The following SUMF1 variants were observed in gnomAD, a reference collection of about 807,000 sequenced individuals.
SUMF1 encodes formylglycine-generating enzyme.
SUMF1 carries 48 observed loss-of-function variants against 47.6 expected under a neutral mutation model. The observed-to-expected ratio is 1.01, with a 90% CI of 0.80 to 1.28. The LOEUF is 1.28. Among genes scored for constraint, SUMF1 ranks in the 50% most tolerant of loss-of-function variants. The pLI is 0.00. For synonymous variants in SUMF1, 230 were observed against 192.1 expected (o/e 1.20, Z -1.63); for missense variants, 571 against 485.4 (o/e 1.18, Z -1.66).
At chr3:4,330,088 C>T (rs541003496) in intron 8 of SUMF1, among the ~76,000 whole-genome samples, 2 of 152,240 alleles carry the variant, frequency 1.3e-5, no homozygotes, top group East Asian at 3.9e-4. Flanking sequence ...CATCTGAGAC[C>T]ACCTCAGCCT....
intron 8 of SUMF1, among the ~76,000 whole-genome samples, chr3:4,254,820 A>T (rs1282502425): frequency 6.6e-6 from 1 of 151,332 alleles, no homozygotes; most frequent in Non-Finnish European, 1.5e-5. Context: ...TGTCAGATTC[A>T]CCAAAGTTGA....
chr3:4,358,087 G>A (rs536750693), downstream of SUMF1, among the ~76,000 whole-genome samples: 13 of 152,182 alleles, frequency 8.5e-5, no homozygotes, highest in African/African-American at 3.1e-4. Flanking sequence ...GTAGTTTGAA[G>A]CATCTATGCA....
intron 9 of SUMF1, among the ~76,000 whole-genome samples, chr3:4,060,940 G>A (rs1695267693): frequency 6.6e-6 from 1 of 152,106 alleles, no homozygotes; most frequent in Non-Finnish European, 1.5e-5. Context: ...ATGATAAGAT[G>A]ACCTCTGAGG....
At chr3:4,172,314 A>C (rs1275691430) in intron 8 of SUMF1, among the ~76,000 whole-genome samples, 3 of 152,076 alleles carry the variant, frequency 2.0e-5, no homozygotes, top group Admixed American at 6.6e-5. Flanking sequence ...ACAAGGAGAG[A>C]CATGCAGGAA....
At chr3:4,121,981 C>A (rs866529870) in intron 8 of SUMF1, among the ~76,000 whole-genome samples, 11 of 152,076 alleles carry the variant, frequency 7.2e-5, no homozygotes, top group Non-Finnish European at 1.3e-4. Flanking sequence ...TTTTCTGTTC[C>A]TGTGTTAATT....
intron 9 of SUMF1, among the ~76,000 whole-genome samples, chr3:4,037,107 T>C (rs1418696196): frequency 2.0e-5 from 3 of 152,096 alleles, no homozygotes. Flanking sequence ...ACAGAAATAT[T>C]CTAAGACTAA....
chr3:4,129,666 G>A (rs1693739429), intron 8 of SUMF1, among the ~76,000 whole-genome samples: 1 of 152,096 alleles, frequency 6.6e-6, no homozygotes, highest in African/African-American at 2.4e-5. Context: ...CGTTTACCAG[G>A]ATAACTGTGC....
intron 8 of SUMF1, among the ~76,000 whole-genome samples, chr3:4,085,526 T>A (rs1266859022): frequency 6.6e-6 from 1 of 152,118 alleles, no homozygotes; most frequent in Admixed American, 6.6e-5. Flanking sequence ...CTGCAAGAGA[T>A]ACCCACATGT....
chr3:4,438,128 G>A (rs1702460881), intron 3 of SUMF1, among the ~76,000 whole-genome samples: 1 of 151,624 alleles, frequency 6.6e-6, no homozygotes, highest in Non-Finnish European at 1.5e-5. Context: ...TCAATGGTAA[G>A]ACATGCTTTT....
chr3:4,297,156 A>C (rs962373670), intron 8 of SUMF1, among the ~76,000 whole-genome samples: 1 of 152,128 alleles, frequency 6.6e-6, no homozygotes, highest in Non-Finnish European at 1.5e-5. Flanking sequence ...TAAGCTAAAA[A>C]CTTGGGCCGA....
At chr3:4,052,231 G>T (rs1166960728) in intron 9 of SUMF1, among the ~76,000 whole-genome samples, 3 of 152,010 alleles carry the variant, frequency 2.0e-5, no homozygotes, top group East Asian at 3.9e-4. Flanking sequence ...AGCTCTCTTT[G>T]GTCTCTTTTA....
At chr3:4,106,976 A>G (rs920822001) in intron 8 of SUMF1, among the ~76,000 whole-genome samples, 1 of 152,050 alleles carries the variant, frequency 6.6e-6, no homozygotes, top group Non-Finnish European at 1.5e-5. Context: ...AAATTCAGAT[A>G]TTTCTCCAAC....
chr3:4,222,048 T>C (rs1273636692), intron 8 of SUMF1, among the ~76,000 whole-genome samples: 2 of 152,096 alleles, frequency 1.3e-5, no homozygotes, highest in Non-Finnish European at 2.9e-5. Context: ...AATATCATAT[T>C]GCTAAAAACA....
chr3:4,116,432 T>A (rs1693425860), intron 8 of SUMF1, among the ~76,000 whole-genome samples: 1 of 151,924 alleles, frequency 6.6e-6, no homozygotes, highest in South Asian at 2.1e-4. Context: ...AACCCTAAAT[T>A]TTCAAAAGAG....
chr3:4,444,413 A>C (rs1324152045), intron 3 of SUMF1, among the ~76,000 whole-genome samples: 1 of 152,232 alleles, frequency 6.6e-6, no homozygotes, highest in Non-Finnish European at 1.5e-5. Context: ...ATTAGTTGAG[A>C]GCTAAAATGG....
At chr3:4,397,712 G>A (rs1413091971) in intron 7 of SUMF1, among the ~76,000 whole-genome samples, 3 of 152,096 alleles carry the variant, frequency 2.0e-5, no homozygotes, top group South Asian at 2.1e-4. Flanking sequence ...AGTGGAGACT[G>A]TCCATGGAAA....
At chr3:4,359,039 C>A (rs746429795), downstream of SUMF1, among the ~76,000 whole-genome samples, 37 of 152,138 alleles carry the variant, frequency 2.4e-4, no homozygotes, top group Non-Finnish European at 5.3e-4. Flanking sequence ...TGCCTCTACC[C>A]CAATTTTCCC....
At chr3:4,096,809 A>C (rs1692915689) in intron 8 of SUMF1, among the ~76,000 whole-genome samples, 1 of 152,106 alleles carries the variant, frequency 6.6e-6, no homozygotes, top group African/African-American at 2.4e-5. Flanking sequence ...GGTCGGAACC[A>C]GGGTGAGCTA....
intron 8 of SUMF1, among the ~76,000 whole-genome samples, chr3:4,143,862 A>G (rs1694129976): frequency 6.6e-6 from 1 of 152,088 alleles, no homozygotes; most frequent in South Asian, 2.1e-4. Context: ...TCAGGCCCCA[A>G]CCCAGTTCTG....
Sources: allele counts gnomAD v4.1 joint callset (sites outside exome capture counted in the v4.1 genomes callset), GRCh38; gene constraint gnomAD v4.1.1; transcripts MANE v1.5; gene names NCBI Gene and HGNC (gene_info 2026-07-23, HGNC 2026-07-21).